Variants in GNAL observed in about 807,000 individuals in gnomAD.
GNAL encodes guanine nucleotide-binding protein G(olf) subunit alpha.
In GNAL, 18 loss-of-function variants were observed where a neutral mutation model predicts 55.1. That is an observed-to-expected ratio of 0.33 (90% CI 0.23 to 0.48). The LOEUF is 0.48. GNAL is among the 20% of genes least tolerant of loss of function. The pLI is 0.99. For synonymous variants in GNAL, 253 were observed against 237.0 expected, an observed-to-expected ratio of 1.07 and a Z score of -0.62; for missense variants, 412 against 614.1, an observed-to-expected ratio of 0.67 and a Z score of 3.48.
intron 4 of GNAL, among the ~76,000 whole-genome samples, chr18:11,788,042 C>T (rs1394835242): frequency 2.6e-5 from 4 of 152,116 alleles, no homozygotes; most frequent in African/African-American, 9.7e-5. Flanking sequence ...CTGCTGTCCC[C>T]AGTAAATTTA....
chr18:11,859,838 C>T (rs576560728), intron 5 of GNAL, among the ~76,000 whole-genome samples: 9 of 150,928 alleles, frequency 6.0e-5, no homozygotes, highest in South Asian at 4.2e-4. Context: ...CTCTGCCTCC[C>T]GGGTTCAAGC....
chr18:11,754,319 A>T (rs921888500), intron 4 of GNAL, among the ~76,000 whole-genome samples: 1 of 151,892 alleles, frequency 6.6e-6, no homozygotes, highest in Non-Finnish European at 1.5e-5. Flanking sequence ...CAAGAGGCTG[A>T]GGCAGGGGAA....
At chr18:11,741,636 T>C (rs2032577646) in intron 1 of GNAL, among the ~76,000 whole-genome samples, 3 of 152,008 alleles carry the variant, frequency 2.0e-5, no homozygotes, top group South Asian at 2.1e-4. Context: ...AAAGAATGCT[T>C]TATGATGAAT....
At chr18:11,750,127 A>G (rs2032781485) in intron 1 of GNAL, among the ~76,000 whole-genome samples, 1 of 152,210 alleles carries the variant, frequency 6.6e-6, no homozygotes, top group East Asian at 1.9e-4. Context: ...ACAGATACTC[A>G]GGAAACGGAC....
At chr18:11,798,515 C>T (rs2034445682) in intron 4 of GNAL, among the ~76,000 whole-genome samples, 2 of 152,084 alleles carry the variant, frequency 1.3e-5, no homozygotes, top group Non-Finnish European at 1.5e-5. Context: ...ATTCTTTGTG[C>T]CTTCACAGTA....
intron 4 of GNAL, among the ~76,000 whole-genome samples, chr18:11,795,409 A>T (rs1011564286): frequency 1.2e-4 from 18 of 152,078 alleles, no homozygotes; most frequent in Non-Finnish European, 2.5e-4. Flanking sequence ...AAAAAAAAAA[A>T]ATGAACAGGC....
At chr18:11,701,261 G>C (rs1376384838) in intron 1 of GNAL, among the ~76,000 whole-genome samples, 1 of 152,142 alleles carries the variant, frequency 6.6e-6, no homozygotes, top group Non-Finnish European at 1.5e-5. Context: ...AGGGGAGGTA[G>C]GAACTTGATT....
At chr18:11,805,370 G>C (rs180833123) in intron 4 of GNAL, among the ~76,000 whole-genome samples, 81 of 152,226 alleles carry the variant, frequency 5.3e-4, no homozygotes, top group African/African-American at 1.9e-3. Flanking sequence ...GAGGTATTCT[G>C]TACTGGTAAA....
chr18:11,840,479 G>A (rs765083904), intron 5 of GNAL, among the ~76,000 whole-genome samples: 1 of 152,218 alleles, frequency 6.6e-6, no homozygotes, highest in Non-Finnish European at 1.5e-5. Context: ...TAAAATAGGA[G>A]ACTCAGCAGA....
At chr18:11,802,317 C>T (rs1243903798) in intron 4 of GNAL, among the ~76,000 whole-genome samples, 1 of 152,136 alleles carries the variant, frequency 6.6e-6, no homozygotes, top group Non-Finnish European at 1.5e-5. Context: ...AATGTCAAGT[C>T]CTTACTGGAT....
chr18:11,843,431 A>G (rs143709031), intron 5 of GNAL, among the ~76,000 whole-genome samples: 2 of 152,242 alleles, frequency 1.3e-5, no homozygotes, highest in Non-Finnish European at 2.9e-5. Context: ...AGGCTGAGGC[A>G]GGATAATCAC....
At chr18:11,742,744 C>A (rs2032605158) in intron 1 of GNAL, among the ~76,000 whole-genome samples, 1 of 152,228 alleles carries the variant, frequency 6.6e-6, no homozygotes, top group Non-Finnish European at 1.5e-5. Flanking sequence ...CACTCCTCAA[C>A]ACCGGCCTCG....
At chr18:11,843,388 G>A (rs1238217005) in intron 5 of GNAL, among the ~76,000 whole-genome samples, 1 of 152,090 alleles carries the variant, frequency 6.6e-6, no homozygotes, top group Admixed American at 6.6e-5. Context: ...AGCGGAGAGT[G>A]GTGGTGCACA....
chr18:11,747,897 T>TC (rs1474487497), intron 1 of GNAL, among the ~76,000 whole-genome samples: 1 of 151,982 alleles, frequency 6.6e-6, no homozygotes, highest in Non-Finnish European at 1.5e-5. Flanking sequence ...CAGCCCTGGG[T>TC]CCCCGCAGGT....
intron 4 of GNAL, among the ~76,000 whole-genome samples, chr18:11,821,803 G>GC (rs1193634332): frequency 6.6e-6 from 1 of 152,196 alleles, no homozygotes; most frequent in Non-Finnish European, 1.5e-5. Flanking sequence ...AGGGGCCCCA[G>GC]TAAATGCTTC....
chr18:11,862,572 T>C (rs1567898877), intron 6 of GNAL, 123 bp downstream of exon 6: 2 of 766,436 alleles, frequency 2.6e-6, no homozygotes, highest in African/African-American at 1.7e-5. Context: ...TTTTGCAAAT[T>C]GTTTGTACTG....
intron 4 of GNAL, among the ~76,000 whole-genome samples, chr18:11,756,437 G>A (rs2033058312): frequency 6.6e-6 from 1 of 151,832 alleles, no homozygotes; most frequent in Non-Finnish European, 1.5e-5. Context: ...CTTTTGTGGG[G>A]GTTAGTTTTA....
At chr18:11,769,109 G>T (rs1376392953) in intron 4 of GNAL, among the ~76,000 whole-genome samples, 8 of 80,718 alleles carry the variant, frequency 9.9e-5, no homozygotes, top group African/African-American at 4.0e-4. Flanking sequence ...TTATAATATA[G>T]ATTATATAAA....
chr18:11,845,396 T>C (rs559217933), intron 5 of GNAL, among the ~76,000 whole-genome samples: 2 of 151,192 alleles, frequency 1.3e-5, no homozygotes, highest in Non-Finnish European at 2.9e-5. Context: ...CTGTGAGATA[T>C]GGCAAAATGC....
Sources: gnomAD v4.1 joint callset for allele counts (sites outside exome capture counted in the v4.1 genomes callset) on GRCh38, gnomAD v4.1.1 for gene constraint, MANE v1.5 for transcripts, NCBI Gene and HGNC (gene_info 2026-07-23, HGNC 2026-07-21) for gene names.